Variants in LUC7L2 observed in about 807,000 individuals in gnomAD.
LUC7L2 encodes putative RNA-binding protein Luc7-like 2.
LUC7L2 carries 25 observed loss-of-function variants against 52.8 expected under a neutral mutation model. That is an observed-to-expected ratio of 0.47 (90% CI 0.34 to 0.66). The LOEUF is 0.66. Among genes scored for constraint, LUC7L2 ranks in the 30% least tolerant of loss-of-function variants. LUC7L2 has a pLI of 0.01. For synonymous variants in LUC7L2, 144 were observed against 160.9 expected (o/e 0.89, Z 0.80); for missense variants, 328 against 497.8 (o/e 0.66, Z 3.25).
At chr7:139,371,258 A>T in intron 1 of LUC7L2, 1 of 615,390 alleles carries the variant, frequency 1.6e-6, no homozygotes, top group East Asian at 2.7e-5. Flanking sequence ...GTTTTTGTAA[A>T]TTGCTTGCCA....
At chr7:139,417,496 G>GTAAT (rs1569396628) in intron 8 of LUC7L2, 42 bp from the exon 9 acceptor site, 1 of 1,585,534 alleles carries the variant, frequency 6.3e-7, no homozygotes, top group Admixed American at 1.8e-5. Flanking sequence ...GAGAAATATA[G>GTAAT]TAATTACAAA....
At chr7:139,367,602 G>C (rs1482019965) in intron 1 of LUC7L2, among the ~76,000 whole-genome samples, 1 of 152,114 alleles carries the variant, frequency 6.6e-6, no homozygotes, top group African/African-American at 2.4e-5. Context: ...GTCATCTTTT[G>C]TGCAAATCTC....
intron 8 of LUC7L2, chr7:139,416,705 C>T (rs1795639044): frequency 1.3e-5 from 2 of 152,144 alleles, no homozygotes; most frequent in African/African-American, 4.8e-5. Context: ...GGCCCTTACT[C>T]TGTTTTGATT....
At chr7:139,399,760 C>T (rs1024598187) in intron 3 of LUC7L2, among the ~76,000 whole-genome samples, 2 of 152,030 alleles carry the variant, frequency 1.3e-5, no homozygotes, top group African/African-American at 4.8e-5. Flanking sequence ...TGAGCCACGG[C>T]ACCCGGCCGT....
chr7:139,402,176 C>G lies in LUC7L2; in HGVS notation c.295C>G (p.Arg99Gly). 6.2e-7 allele frequency: 1 copy of G among 1,608,330 alleles called. No homozygotes were observed. The highest frequency in any genetic ancestry group is 8.5e-7 in the Non-Finnish European group (1 of 1,177,852). ...GCAGTCATTCATTGCAGATTGTGAT[C>G]GTAGAACAGAAGTGGCCAAGAAAAG... ...HLQSFIADCD[R>G]RTEVAKKRLA... Residue 99 changes from arginine to glycine, a missense_variant, in exon 4 of 10, where the codon CGT (arginine) becomes GGT (glycine). By Grantham distance (125) the Arg-to-Gly change is moderately radical (BLOSUM62 -2). This residue lies in a region of LUC7L2 where 133 missense variants were observed against 274.4 expected (regional missense o/e 0.48). Transcript: ENST00000354926.
chr7:139,384,390 C>T (rs1482176139), intron 2 of LUC7L2, among the ~76,000 whole-genome samples: 1 of 151,936 alleles, frequency 6.6e-6, no homozygotes, highest in South Asian at 2.1e-4. Flanking sequence ...CTCAGCCTCC[C>T]GAGTAGCTGG....
intron 2 of LUC7L2, among the ~76,000 whole-genome samples, chr7:139,382,605 C>G (rs923928728): frequency 5.9e-5 from 9 of 152,036 alleles, no homozygotes; most frequent in Non-Finnish European, 1.2e-4. Flanking sequence ...TCCTGGCTGG[C>G]TGGTCTCACA....
intron 6 of LUC7L2, among the ~76,000 whole-genome samples, chr7:139,408,663 G>A (rs926925757): frequency 3.9e-5 from 6 of 152,016 alleles, no homozygotes; most frequent in Admixed American, 6.6e-5. Flanking sequence ...CCAATATGGT[G>A]AAATCCTGTC....
intron 2 of LUC7L2, among the ~76,000 whole-genome samples, chr7:139,389,730 A>G (rs537383940): frequency 2.6e-5 from 4 of 152,312 alleles, no homozygotes; most frequent in African/African-American, 7.2e-5. Flanking sequence ...TTGAGTACCT[A>G]TTATGTGGTG....
At chr7:139,388,469 C>G (rs191073626) in intron 2 of LUC7L2, among the ~76,000 whole-genome samples, 5 of 151,902 alleles carry the variant, frequency 3.3e-5, no homozygotes, top group African/African-American at 1.2e-4. Context: ...TCTCTTCACC[C>G]TATACTCATG....
chr7:139,422,261 A>C lies in LUC7L2; in HGVS notation c.1100A>C (p.Lys367Thr), dbSNP rs1426588318. Residue 367 changes from lysine to threonine, a missense_variant, in exon 10 of 10, where the codon AAG (lysine) becomes ACG (threonine). Lys to Thr is a moderately conservative substitution (Grantham distance 78, BLOSUM62 -1). Transcript: ENST00000354926. The stretch of plus-strand genomic sequence containing the variant: ...CCTCGTGACAGAGATCGGAAAGATA[A>C]GAAGCGGTCCTATGAGAGTGCTAAT... Reference protein sequence around the residue: ...RSPRDRDRKDKKRSYESANGR... With the variant: ...RSPRDRDRKDTKRSYESANGR... 1 of 1,614,102 alleles carries C rather than the reference A, an allele frequency of 6.2e-7. No individual in the cohort carries two copies. The highest frequency in any genetic ancestry group is 1.3e-5 in the African/African-American group (1 of 74,952).
chr7:139,369,943 CTTTGT>C (rs1185698739), intron 1 of LUC7L2, among the ~76,000 whole-genome samples: 1 of 152,150 alleles, frequency 6.6e-6, no homozygotes, highest in Non-Finnish European at 1.5e-5. Context: ...AGGAAAGCTG[CTTTGT>C]TTTATTAGGA....
upstream of LUC7L2, among the ~76,000 whole-genome samples, chr7:139,357,109 C>T (rs1365799329): frequency 6.6e-6 from 1 of 151,844 alleles, no homozygotes; most frequent in Non-Finnish European, 1.5e-5. Flanking sequence ...CTTAAGGATA[C>T]ACATTATAAC....
In LUC7L2 at chr7:139,416,065, ATATATATAT is replaced by A. The variant is rs1317580592; in HGVS notation, c.810-1472_810-1464del. ...AATATATATATATATATATATATAT[ATATATATAT>A]ATATATATATATATATGATTTACTC... On this transcript the variant is annotated intron_variant, in intron 8 of 9. Transcript: ENST00000354926. 1.6e-4 allele frequency: 8 copies of A among 49,728 alleles called. No homozygotes were observed. The East Asian group carries it at 2.8e-3, about 17-fold the overall frequency. The allele number at this position is 49,728 out of a possible 1,614,324, so 3.1% of individuals were successfully genotyped here. A position where few individuals can be genotyped will look rare whatever the true frequency, so the allele number is the denominator to read the frequency against.
intron 2 of LUC7L2, among the ~76,000 whole-genome samples, chr7:139,380,730 C>G (rs1039843830): frequency 3.3e-5 from 5 of 152,044 alleles, no homozygotes; most frequent in African/African-American, 1.2e-4. Flanking sequence ...GGCAGTATGC[C>G]CTTTCAGATT....
intron 2 of LUC7L2, among the ~76,000 whole-genome samples, chr7:139,380,017 A>G (rs1171880127): frequency 6.6e-6 from 1 of 151,212 alleles, no homozygotes; most frequent in Admixed American, 6.6e-5. Context: ...ATCTCTACTG[A>G]AAATACAAAA....
intron 2 of LUC7L2, among the ~76,000 whole-genome samples, chr7:139,391,301 C>G (rs1343401998): frequency 6.6e-6 from 1 of 152,096 alleles, no homozygotes; most frequent in African/African-American, 2.4e-5. Flanking sequence ...AAATTATATT[C>G]TCATGCTGTT....
In LUC7L2 at chr7:139,423,250, T is replaced by TA; in HGVS notation, c.*911dup. On this transcript the variant is annotated 3_prime_UTR_variant, in exon 10 of 10. Transcript: ENST00000354926. ...TTCTGTTACGTCATTAACAGTGCCT[T>TA]ACTGTGCAAGGCACCAAAGGACATA... 3 of 399,068 alleles carry TA rather than the reference T, an allele frequency of 7.5e-6. No individual in the cohort carries two copies. The highest frequency in any genetic ancestry group is 1.3e-5 in the Non-Finnish European group (3 of 226,068). The allele number at this position is 399,068 out of a possible 1,614,324, so 24.7% of individuals were successfully genotyped here. A position where few individuals can be genotyped will look rare whatever the true frequency, so the allele number is the denominator to read the frequency against.
At chr7:139,347,947 G>A (rs11543827) in intron 1 of LUC7L2, among the ~76,000 whole-genome samples, 35,916 of 151,926 alleles carry the variant, frequency 0.24, 4,509 homozygotes, top group Middle Eastern at 0.33. Flanking sequence ...GTGATCGCCC[G>A]CCTGGGCCTC....
Sources: gnomAD v4.1 joint callset for allele counts (sites outside exome capture counted in the v4.1 genomes callset) on GRCh38, gnomAD v4.1.1 for gene constraint, gnomAD v4.1.1 regional missense constraint, MANE v1.5 for transcripts, NCBI Gene and HGNC (gene_info 2026-07-23, HGNC 2026-07-21) for gene names.